Variants in C4orf54 observed in about 807,000 individuals in gnomAD.
C4orf54 encodes uncharacterized protein C4orf54.
A neutral mutation model predicts 80.1 loss-of-function variants in C4orf54; 67 were observed. The ratio of observed to expected loss-of-function variants is 0.84; its 90% CI spans 0.69 to 1.03. The LOEUF is 1.03. Among genes scored for constraint, C4orf54 ranks in the 50% least tolerant of loss-of-function variants. The pLI is 0.00. For missense variants in C4orf54, 2,434 were observed against 2,253.5 expected (o/e 1.08, Z -1.62); for synonymous variants, 1,000 against 917.0 (o/e 1.09, Z -1.64).
Position 99,653,755 on chromosome 4 carries a change from G to A in C4orf54, c.894C>T (p.Thr298=). The part of the protein sequence containing the change: ...DSTTSTGALA[T]SSSSLGFESE... ...TCTCGAAGCCTAAGGATGAAGAGGA[G>A]GTGGCCAGAGCCCCTGTGGATGTGG... is the stretch of plus-strand genomic sequence containing the variant. Residue 298 remains threonine (T), a synonymous_variant, in exon 2 of 3, where the codon ACC becomes ACT. Transcript: ENST00000511828. 2.0e-6 allele frequency: 3 copies of A among 1,536,042 alleles called. No individual in the cohort carries two copies. Among genetic ancestry groups the A allele is most frequent in the Non-Finnish European group, 2.6e-6 (3 of 1,146,882 alleles).
Position 99,650,809 on chromosome 4 carries a change from G to T in C4orf54, c.3840C>A (p.Asp1280Glu). The change falls in exon 2 of 3, where the codon GAC becomes GAA. Residue 1280 changes from aspartate to glutamate, a missense_variant. By Grantham distance (45) the Asp-to-Glu change is conservative. Coordinates refer to ENST00000511828, the MANE Select transcript of C4orf54 (RefSeq NM_001354435.2). Reference protein sequence around the residue: ...FNRNEWKRKSDPLPMMMDSHV... With the variant: ...FNRNEWKRKSEPLPMMMDSHV... ...GGCTGTCCATCATCATAGGCAAGGG[G>T]TCGCTTTTGCGCTTCCACTCGTTCC... The T allele has an allele frequency of 6.5e-7, 1 of 1,536,162 alleles. No individual in the cohort carries two copies. The highest frequency in any genetic ancestry group is 8.7e-7 in the Non-Finnish European group (1 of 1,146,920).
Position 99,650,669 on chromosome 4 carries a change from T to G in C4orf54, c.3980A>C (p.Lys1327Thr). Residue 1327 changes from lysine (K) to threonine (T), a missense_variant, in exon 2 of 3, where the codon AAA becomes ACA. Coordinates refer to ENST00000511828, the MANE Select transcript of C4orf54 (RefSeq NM_001354435.2). ...GGCCCCTCGCAGGACCACACCAGCT[T>G]TGTTTCCTGTGCCCCGCTCTTCCAC... The part of the protein sequence containing the change: ...GEVEERGTGN[K>T]AGVVLRGAPI... 1 of 1,536,064 alleles carries G rather than the reference T, an allele frequency of 6.5e-7. No individual in the cohort carries two copies.
chr4:99,641,709 T>C (rs1487968354), intron 2 of C4orf54, among the ~76,000 whole-genome samples: 3 of 152,148 alleles, frequency 2.0e-5, no homozygotes, highest in African/African-American at 7.2e-5. Flanking sequence ...TTAGAACCTA[T>C]CTTAGTTAAA....
rs1388800216 is a variant in C4orf54 at position 99,652,670 on chromosome 4, C to T, written c.1979G>A (p.Arg660His). Residue 660 changes from arginine to histidine, a missense_variant, in exon 2 of 3, where the codon CGC becomes CAC. Physicochemically the swap from Arg to His is conservative, Grantham distance 29 (BLOSUM62 0). Coordinates refer to ENST00000511828, the MANE Select transcript of C4orf54 (RefSeq NM_001354435.2). The stretch of plus-strand genomic sequence containing the variant: ...TTTTAAGTCCAGGAAAGTTGACCAG[C>T]GCCCAAAGCCCACTTCGGAGAGCGT... ...STTLSEVGFG[R>H]WSTFLDLKCG... The T allele has an allele frequency of 5.2e-6, 8 of 1,535,962 alleles. No homozygotes were observed. The highest frequency in any genetic ancestry group is 1.4e-5 in the African/African-American group (1 of 73,014).
In C4orf54 at chr4:99,649,216, GTGAAAT is replaced by G. The variant is rs1358341552; in HGVS notation, c.*36+9_*36+14del. ...TACTCTCTTAAACCTGATTATCAAA[GTGAAAT>G]TCACTTACCAGCAGTTTTTCATTCC... On this transcript the variant is annotated intron_variant, in intron 2 of 2. Transcript: ENST00000511828. 1.4e-6 allele frequency: 2 copies of G among 1,451,808 alleles called. No individual in the cohort carries two copies. Among genetic ancestry groups the G allele is most frequent in the African/African-American group, 2.8e-5 (2 of 70,280 alleles). The allele number at this position is 1,451,808 out of a possible 1,614,324, so 89.9% of individuals were successfully genotyped here.
rs2110246459 is a variant in C4orf54 at position 99,640,010 on chromosome 4, T to C, written c.*1223A>G. On this transcript the variant is annotated 3_prime_UTR_variant, in exon 3 of 3. Transcript: ENST00000511828. ...TCCTTTAAAAAGTAATTAAGTAATA[T>C]TTCAATGTAACATTTGCCAAGTATA... 1 of 152,276 alleles carries C rather than the reference T, an allele frequency of 6.6e-6. No homozygotes were observed. The highest frequency in any genetic ancestry group is 2.4e-5 in the African/African-American group (1 of 41,570). The allele number at this position is 152,276 out of a possible 1,614,324, so 9.4% of individuals were successfully genotyped here. A position where few individuals can be genotyped will look rare whatever the true frequency, so the allele number is the denominator to read the frequency against.
In C4orf54 at chr4:99,652,243, G is replaced by C; in HGVS notation, c.2406C>G (p.Gly802=). 3.3e-6 allele frequency: 5 copies of C among 1,535,864 alleles called. No individual in the cohort carries two copies. Among genetic ancestry groups the C allele is most frequent in the Non-Finnish European group, 3.5e-6 (4 of 1,146,800 alleles). The change falls in exon 2 of 3, where the codon GGC becomes GGG. Residue 802 remains glycine, a synonymous_variant. Coordinates refer to ENST00000511828, the MANE Select transcript of C4orf54 (RefSeq NM_001354435.2). ...TGGAGGCGAACTTGGACTTCTGGGGGCCATCGGCGCGGGAGGTGGGCTTGC... is the reference window on the plus strand; with the variant it reads ...TGGAGGCGAACTTGGACTTCTGGGGCCCATCGGCGCGGGAGGTGGGCTTGC... ...EGSKPTSRAD[G]PQKSKFASSL...
rs1242937443 is a variant in C4orf54 at position 99,654,099 on chromosome 4, G to T, written c.550C>A (p.Pro184Thr). The T allele has an allele frequency of 4.6e-6, 7 of 1,536,154 alleles. No homozygotes were observed. The highest frequency in any genetic ancestry group is 4.9e-5 in the East Asian group (2 of 40,892). Residue 184 changes from proline to threonine, a missense_variant, in exon 2 of 3, where the codon CCT (proline) becomes ACT (threonine). Coordinates refer to ENST00000511828, the MANE Select transcript of C4orf54 (RefSeq NM_001354435.2). ...GCTTCTCGCTGGGAGGAGGCTGAAG[G>T]CTTGGGAAGTGGCCACAGCTGCTGC... Reference protein sequence around the residue: ...LKQQLWPLPKPSASSQREAKY... With the variant: ...LKQQLWPLPKTSASSQREAKY...
chr4:99,647,137 A>T (rs748467634), intron 2 of C4orf54, among the ~76,000 whole-genome samples: 3 of 151,906 alleles, frequency 2.0e-5, no homozygotes, highest in Non-Finnish European at 2.9e-5. Flanking sequence ...AACACTAAAA[A>T]CTCTAATGTA....
intron 2 of C4orf54, among the ~76,000 whole-genome samples, chr4:99,641,910 G>A (rs1300860298): frequency 6.6e-6 from 1 of 152,022 alleles, no homozygotes; most frequent in African/African-American, 2.4e-5. Flanking sequence ...ATATTTGTTA[G>A]GGATTAAGAA....
At chr4:99,643,889 C>G (rs1221653839) in intron 2 of C4orf54, among the ~76,000 whole-genome samples, 2 of 151,990 alleles carry the variant, frequency 1.3e-5, no homozygotes, top group Non-Finnish European at 2.9e-5. Context: ...TCAATTCCAA[C>G]TGTGTTCTTT....
At chr4:99,655,284 T>C (rs1726961042) in intron 1 of C4orf54, among the ~76,000 whole-genome samples, 1 of 152,172 alleles carries the variant, frequency 6.6e-6, no homozygotes, top group Admixed American at 6.5e-5. Context: ...TTAAGCAAAC[T>C]TTTCATTATG....
chr4:99,650,052 G>C lies in C4orf54; in HGVS notation c.4597C>G (p.Arg1533Gly). ...QVSGTSRPAWRTKPDNPRETV... is the reference protein window; with the variant it reads ...QVSGTSRPAWGTKPDNPRETV... The stretch of plus-strand genomic sequence containing the variant: ...TCCCGGGGGTTGTCAGGTTTGGTAC[G>C]CCAAGCTGGTCGGCTGGTTCCACTA... Residue 1533 changes from arginine to glycine, a missense_variant, in exon 2 of 3, where the codon CGT (arginine) becomes GGT (glycine). Arg to Gly is a moderately radical substitution (Grantham distance 125). Coordinates refer to ENST00000511828, the MANE Select transcript of C4orf54 (RefSeq NM_001354435.2). 3 of 1,535,930 alleles carry C rather than the reference G, an allele frequency of 2.0e-6. No homozygotes were observed. The highest frequency in any genetic ancestry group is 2.6e-6 in the Non-Finnish European group (3 of 1,146,850).
intron 2 of C4orf54, among the ~76,000 whole-genome samples, 188 bp from the exon 3 acceptor site, chr4:99,641,384 A>G (rs1191687416): frequency 6.6e-6 from 1 of 152,182 alleles, no homozygotes; most frequent in Non-Finnish European, 1.5e-5. Context: ...TGAACTTACT[A>G]AACATTATGC....
At position 99,652,901 on chromosome 4, in the gene C4orf54, A is replaced by G. The variant is rs1726879857; in HGVS notation, c.1748T>C (p.Phe583Ser). 3 of 1,536,110 alleles carry G rather than the reference A, an allele frequency of 2.0e-6. No individual in the cohort carries two copies. In the East Asian group the frequency reaches 7.3e-5, roughly 38 times the overall value. ...AAVAQDHAKK[F>S]IAVPARLQTR... ...TTGCAGGCGAGCAGGTACAGCAATG[A>G]ATTTCTTTGCATGGTCCTGAGCCAC... The change falls in exon 2 of 3, where the codon TTC (phenylalanine) becomes TCC (serine). Residue 583 changes from phenylalanine to serine, a missense_variant. Coordinates refer to ENST00000511828, the MANE Select transcript of C4orf54 (RefSeq NM_001354435.2).
rs541896824 is a variant in C4orf54 at position 99,650,639 on chromosome 4, A to G, written c.4010T>C (p.Ile1337Thr). 225 of 1,535,930 alleles carry G rather than the reference A, an allele frequency of 1.5e-4. 6 individuals are homozygous for G. The South Asian group carries it at 2.4e-3, about 16-fold the overall frequency. Residue 1337 changes from isoleucine to threonine, a missense_variant, in exon 2 of 3, where the codon ATA becomes ACA. By Grantham distance (89) the Ile-to-Thr change is moderately conservative (BLOSUM62 -1). Coordinates refer to ENST00000511828, the MANE Select transcript of C4orf54 (RefSeq NM_001354435.2). ...KAGVVLRGAPIERLQRRNSNP... is the reference protein window; with the variant it reads ...KAGVVLRGAPTERLQRRNSNP... ...GGAGTTTCTCCGCTGCAGACGTTCT[A>G]TGGGGGCCCCTCGCAGGACCACACC...
In C4orf54 at chr4:99,651,518, T is replaced by A; in HGVS notation, c.3131A>T (p.Asn1044Ile). ...CTTGGGCGTGAGCAACTTGGCAATG[T>A]TGAAGTCTGAGCTCGGCTGCTGCAC... ...GSVQQPSSDF[N>I]IAKLLTPKLA... Residue 1044 changes from asparagine (N) to isoleucine (I), a missense_variant, in exon 2 of 3, where the codon AAC (asparagine) becomes ATC (isoleucine). Coordinates refer to ENST00000511828, the MANE Select transcript of C4orf54 (RefSeq NM_001354435.2). The A allele has an allele frequency of 6.5e-7, 1 of 1,536,194 alleles. No homozygotes were observed. Among genetic ancestry groups the A allele is most frequent in the Non-Finnish European group, 8.7e-7 (1 of 1,146,910 alleles).
intron 2 of C4orf54, among the ~76,000 whole-genome samples, chr4:99,643,739 AACACACACACACACACACACACACAC>A (rs754039570): frequency 3.0e-5 from 3 of 98,912 alleles, no homozygotes; most frequent in Non-Finnish European, 6.0e-5. Context: ...CCCAAGCCAC[AACACACACACACACACACACACACAC>A]ACACACACAC....
rs1046062372 is a variant in C4orf54, at chr4:99,652,824, C to T, written c.1825G>A (p.Ala609Thr). The T allele has an allele frequency of 6.5e-7, 1 of 1,536,116 alleles. No individual in the cohort carries two copies. The highest frequency in any genetic ancestry group is 2.0e-5 in the Admixed American group (1 of 51,008). ...AKELVDYSSG[A>T]SSAVSELDDA... is the part of the protein sequence containing the mutation. ...TCCAGTTCGCTCACGGCACTGGAGG[C>T]TCCGCTGGAGTAGTCCACCAGCTCC... Residue 609 changes from alanine (A) to threonine (T), a missense_variant, in exon 2 of 3, where the codon GCC becomes ACC. Transcript: ENST00000511828.
Sources: gnomAD v4.1 joint callset for allele counts (sites outside exome capture counted in the v4.1 genomes callset) on GRCh38, gnomAD v4.1.1 for gene constraint, MANE v1.5 for transcripts, NCBI Gene and HGNC (gene_info 2026-07-23, HGNC 2026-07-21) for gene names.